The following DENND5B variants were observed in gnomAD, a reference collection of about 807,000 sequenced individuals.
DENND5B encodes DENN domain containing 5B, also known as DENN domain-containing protein 5B.
DENND5B carries 34 observed loss-of-function variants against 140.6 expected under a neutral mutation model. The observed-to-expected ratio is 0.24, with a 90% CI of 0.18 to 0.32. DENND5B has a LOEUF of 0.32. DENND5B is among the 10% of genes least tolerant of loss of function. DENND5B has a pLI of 1.00. For missense variants in DENND5B, 1,142 were observed against 1,560.2 expected, an observed-to-expected ratio of 0.73 and a Z score of 4.52; for synonymous variants, 551 against 562.1, an observed-to-expected ratio of 0.98 and a Z score of 0.28.
chr12:31,530,442 T>C (rs1339173298), intron 1 of DENND5B, among the ~76,000 whole-genome samples: 1 of 152,236 alleles, frequency 6.6e-6, no homozygotes, highest in Non-Finnish European at 1.5e-5. Context: ...AAACACTGTA[T>C]ACAATATTTT....
At chr12:31,555,656 C>T (rs1431849091) in intron 1 of DENND5B, among the ~76,000 whole-genome samples, 2 of 152,242 alleles carry the variant, frequency 1.3e-5, no homozygotes, top group Non-Finnish European at 2.9e-5. Context: ...GAGGTGGCGC[C>T]TACAGATGCA....
At position 31,398,221 on chromosome 12, in the gene DENND5B, G is replaced by A. The variant is rs1290990002; in HGVS notation, c.3210C>T (p.Thr1070=). The A allele has an allele frequency of 7.5e-6, 12 of 1,605,124 alleles. No homozygotes were observed. Among genetic ancestry groups the A allele is most frequent in the Admixed American group, 1.7e-5 (1 of 58,722 alleles). The part of the protein sequence containing the change: ...CRTPPQQKSP[T]TARRLSITSL... Reference sequence around the variant, plus strand: ...AAGTGATGCTCAATCTCCTAGCCGTGGTGGGTGACTTCTGCTGGGGTGGAG... The same window carrying A: ...AAGTGATGCTCAATCTCCTAGCCGTAGTGGGTGACTTCTGCTGGGGTGGAG... The change falls in exon 17 of 21, where the codon ACC becomes ACT. Residue 1070 remains threonine (T), a synonymous_variant. Coordinates refer to ENST00000389082, the MANE Select transcript of DENND5B (RefSeq NM_144973.4).
At chr12:31,520,872 C>G (rs942861342) in intron 1 of DENND5B, among the ~76,000 whole-genome samples, 1 of 151,920 alleles carries the variant, frequency 6.6e-6, no homozygotes, top group Non-Finnish European at 1.5e-5. Flanking sequence ...ACAACAAAAA[C>G]AGGAAAAATT....
intron 8 of DENND5B, chr12:31,432,400 AT>A (rs1943548492): frequency 6.6e-6 from 1 of 152,164 alleles, no homozygotes; most frequent in African/African-American, 2.4e-5. Context: ...TTTCTGCTTT[AT>A]TTTTACAAAT....
chr12:31,447,142 G>A (rs761776894), intron 6 of DENND5B, among the ~76,000 whole-genome samples: 72 of 151,800 alleles, frequency 4.7e-4, no homozygotes, highest in South Asian at 3.3e-3. Flanking sequence ...GTGATGGTGC[G>A]TGCCTGTAAT....
At chr12:31,413,925 T>C (rs1204203933) in intron 12 of DENND5B, among the ~76,000 whole-genome samples, 1 of 152,234 alleles carries the variant, frequency 6.6e-6, no homozygotes. Flanking sequence ...AATACTCAAG[T>C]TTCTTTTCAA....
chr12:31,496,718 T>A (rs1259433), intron 1 of DENND5B, among the ~76,000 whole-genome samples: 36,353 of 149,770 alleles, frequency 0.24, 4,588 homozygotes, highest in African/African-American at 0.3. Flanking sequence ...ATTTTTTTTT[T>A]AATAAATTTT....
intron 11 of DENND5B, among the ~76,000 whole-genome samples, chr12:31,415,796 C>T (rs1942706589): frequency 6.6e-6 from 1 of 151,980 alleles, no homozygotes; most frequent in African/African-American, 2.4e-5. Flanking sequence ...CTATGTTGCC[C>T]AGGCTGGGCT....
At position 31,480,075 on chromosome 12, in the gene DENND5B, T is replaced by C. The variant is rs767967131; in HGVS notation, c.418A>G (p.Asn140Asp). 1.2e-6 allele frequency: 2 copies of C among 1,614,022 alleles called. No individual in the cohort carries two copies. Among genetic ancestry groups the C allele is most frequent in the Non-Finnish European group, 8.5e-7 (1 of 1,179,894 alleles). ...TACACACTGCTGTAATGCTCAGCGT[T>C]GTGCATCTGGTAAAGTGTCTGCATT... ...TAMQTLYQMHNAEHYSSVYAS... is the reference protein window; with the variant it reads ...TAMQTLYQMHDAEHYSSVYAS... The change falls in exon 3 of 21, where the codon AAC (asparagine) becomes GAC (aspartate). Residue 140 changes from asparagine (N) to aspartate (D), a missense_variant. Around this residue, in one of 5 missense-constraint regions of DENND5B, gnomAD observed 708 missense variants for 905.5 expected, o/e 0.78. Transcript: ENST00000389082.
chr12:31,442,824 A>G lies in DENND5B; in HGVS notation c.1963T>C (p.Phe655Leu). 6.2e-7 allele frequency: 1 copy of G among 1,613,784 alleles called. No individual in the cohort carries two copies. Among genetic ancestry groups the G allele is most frequent in the South Asian group, 1.1e-5 (1 of 90,948 alleles). The change falls in exon 7 of 21, where the codon TTT (phenylalanine) becomes CTT (leucine). Residue 655 changes from phenylalanine to leucine, a missense_variant. Transcript: ENST00000389082. Reference sequence around the variant, plus strand: ...AAGACATCGGACTGTAACTTTGGAAAGAACCCCTGCTCATATTTGCCTTGA... The same window carrying G: ...AAGACATCGGACTGTAACTTTGGAAGGAACCCCTGCTCATATTTGCCTTGA... ...IGQGKYEQGF[F>L]PKLQSDVLAT... is the part of the protein sequence containing the mutation.
intron 1 of DENND5B, among the ~76,000 whole-genome samples, chr12:31,552,291 C>G (rs977268691): frequency 1.3e-5 from 2 of 152,156 alleles, no homozygotes; most frequent in Non-Finnish European, 2.9e-5. Context: ...TGAATTTTGT[C>G]AAAGGCCTTT....
At chr12:31,495,447 C>T (rs562078766) in intron 2 of DENND5B, among the ~76,000 whole-genome samples, 9 of 142,018 alleles carry the variant, frequency 6.3e-5, no homozygotes, top group African/African-American at 1.6e-4. Flanking sequence ...GGCGTGATCA[C>T]GGCTCACCAC....
chr12:31,429,042 A>C (rs1943383294), intron 8 of DENND5B, among the ~76,000 whole-genome samples: 2 of 143,462 alleles, frequency 1.4e-5, no homozygotes, highest in South Asian at 4.4e-4. Flanking sequence ...CGCCCGGCTA[A>C]TTTTTATATT....
At chr12:31,509,599 T>C (rs548807342) in intron 1 of DENND5B, among the ~76,000 whole-genome samples, 1 of 152,230 alleles carries the variant, frequency 6.6e-6, no homozygotes, top group African/African-American at 2.4e-5. Flanking sequence ...GGCTAAATTT[T>C]GAGATAGTTT....
intron 6 of DENND5B, among the ~76,000 whole-genome samples, chr12:31,446,182 T>C (rs1236634224): frequency 3.3e-5 from 5 of 152,026 alleles, no homozygotes; most frequent in Admixed American, 3.3e-4. Flanking sequence ...GGAGTCTTGC[T>C]CTGTTGCCCA....
At position 31,591,029 on chromosome 12, in the gene DENND5B, G is replaced by T; in HGVS notation, c.-197C>A. On this transcript the variant is annotated 5_prime_UTR_variant, in exon 1 of 21. Transcript: ENST00000389082. The stretch of plus-strand genomic sequence containing the variant: ...GGGGGAAGCGGCCGCGGGCTCGCGC[G>T]CGGCGGGTCCGGAGCCCGGCCGGGT... The T allele has an allele frequency of 2.2e-6, 1 of 460,774 alleles. No individual in the cohort carries two copies. Among genetic ancestry groups the T allele is most frequent in the Non-Finnish European group, 2.9e-6 (1 of 350,036 alleles). The allele number at this position is 460,774 out of a possible 1,614,324, so 28.5% of individuals were successfully genotyped here.
At chr12:31,485,894 T>C (rs1356601212) in intron 2 of DENND5B, among the ~76,000 whole-genome samples, 1 of 152,206 alleles carries the variant, frequency 6.6e-6, no homozygotes, top group Non-Finnish European at 1.5e-5. Context: ...ATATGCCTGG[T>C]CCAGGAGACA....
At chr12:31,472,692 T>C (rs1395396772) in intron 3 of DENND5B, among the ~76,000 whole-genome samples, 1 of 152,050 alleles carries the variant, frequency 6.6e-6, no homozygotes. Context: ...ATCTGCTCTA[T>C]TTGCCCCAGC....
chr12:31,465,144 A>G (rs1945200955), intron 3 of DENND5B: 1 of 152,324 alleles, frequency 6.6e-6, no homozygotes, highest in South Asian at 2.1e-4. Flanking sequence ...ACTGTGGAGA[A>G]TAAGGTCAGC....
Sources: allele counts gnomAD v4.1 joint callset (sites outside exome capture counted in the v4.1 genomes callset), GRCh38; gene constraint gnomAD v4.1.1; regional missense constraint gnomAD v4.1.1; transcripts MANE v1.5; gene names NCBI Gene and HGNC (gene_info 2026-07-23, HGNC 2026-07-21).